Variants in BZW2 observed in about 807,000 individuals in gnomAD.
BZW2 encodes the protein basic leucine zipper and W2 domains 2, also known as eIF5-mimic protein 1.
Under a neutral mutation model 53.2 loss-of-function variants are expected in BZW2, and 23 were observed. That is an observed-to-expected ratio of 0.43 (90% CI 0.31 to 0.61). The LOEUF is 0.61. Among genes scored for constraint, BZW2 ranks in the 20% least tolerant of loss-of-function variants. BZW2 has a pLI of 0.09. For missense variants in BZW2, 409 were observed against 503.1 expected, an observed-to-expected ratio of 0.81 and a Z score of 1.79; for synonymous variants, 227 against 186.4, an observed-to-expected ratio of 1.22 and a Z score of -1.77.
chr7:16,664,451 G>C (rs1369874841), intron 1 of BZW2, among the ~76,000 whole-genome samples: 2 of 152,168 alleles, frequency 1.3e-5, no homozygotes, highest in Non-Finnish European at 2.9e-5. Context: ...GGACAGCTGG[G>C]GACGATCTTT....
At chr7:16,662,237 G>A (rs1200376944) in intron 1 of BZW2, 2 of 152,120 alleles carry the variant, frequency 1.3e-5, no homozygotes, top group African/African-American at 4.8e-5. Context: ...TCTTTATTTA[G>A]TCTGTCACCA....
intron 6 of BZW2, among the ~76,000 whole-genome samples, chr7:16,688,995 G>A (rs1783216278): frequency 6.6e-6 from 1 of 152,174 alleles, no homozygotes; most frequent in Non-Finnish European, 1.5e-5. Context: ...GGAGGCCAAG[G>A]CAGGTGGATC....
intron 6 of BZW2, chr7:16,686,710 T>A (rs1213116714): frequency 6.6e-6 from 1 of 152,296 alleles, no homozygotes; most frequent in Admixed American, 6.5e-5. Flanking sequence ...AGAACATCTG[T>A]TTCTTCTGAG....
chr7:16,649,562 C>T (rs1039890745), intron 1 of BZW2, among the ~76,000 whole-genome samples: 6 of 152,184 alleles, frequency 3.9e-5, no homozygotes, highest in Admixed American at 1.3e-4. Context: ...CAGCTCTCTA[C>T]ATTAGGAGAA....
chr7:16,653,227 C>T (rs568384805), intron 1 of BZW2, among the ~76,000 whole-genome samples: 2 of 152,310 alleles, frequency 1.3e-5, no homozygotes, highest in African/African-American at 4.8e-5. Context: ...TAAGCAATTG[C>T]TCCAAAACAG....
intron 4 of BZW2, among the ~76,000 whole-genome samples, 163 bp downstream of exon 4, chr7:16,681,567 G>C (rs761638656): frequency 6.6e-6 from 1 of 152,096 alleles, no homozygotes; most frequent in Non-Finnish European, 1.5e-5. Flanking sequence ...AGTGTGGCTC[G>C]AGCCTATAAT....
intron 2 of BZW2, among the ~76,000 whole-genome samples, chr7:16,667,232 C>A (rs1289614836): frequency 6.9e-6 from 1 of 145,572 alleles, no homozygotes; most frequent in Non-Finnish European, 1.5e-5. Context: ...AGTGAGCCGA[C>A]ATTGCACCAC....
chr7:16,667,995 A>T (rs1782482224), intron 2 of BZW2, among the ~76,000 whole-genome samples: 1 of 152,260 alleles, frequency 6.6e-6, no homozygotes, highest in East Asian at 1.9e-4. Context: ...ATGATTTTAA[A>T]AGGATTTATC....
intron 2 of BZW2, among the ~76,000 whole-genome samples, chr7:16,669,716 A>G (rs1782541844): frequency 1.3e-5 from 2 of 152,216 alleles, no homozygotes; most frequent in African/African-American, 4.8e-5. Flanking sequence ...TAGGTAATGT[A>G]TACGCATATT....
At chr7:16,672,012 T>C (rs968716316) in intron 2 of BZW2, among the ~76,000 whole-genome samples, 1 of 151,994 alleles carries the variant, frequency 6.6e-6, no homozygotes, top group African/African-American at 2.4e-5. Context: ...AGAAATGTCT[T>C]CTGTGTCTGG....
chr7:16,657,161 A>G (rs1782144770), intron 1 of BZW2, among the ~76,000 whole-genome samples: 1 of 152,198 alleles, frequency 6.6e-6, no homozygotes, highest in African/African-American at 2.4e-5. Flanking sequence ...AAACGTTTTC[A>G]CTTAAGTATA....
chr7:16,646,662 G>T (rs1209241661), intron 1 of BZW2, among the ~76,000 whole-genome samples: 5 of 152,166 alleles, frequency 3.3e-5, no homozygotes, highest in African/African-American at 7.2e-5. Flanking sequence ...GGTAGGGGTC[G>T]CAAGGACAGC....
intron 1 of BZW2, among the ~76,000 whole-genome samples, chr7:16,660,568 A>T (rs574521618): frequency 6.6e-6 from 1 of 152,092 alleles, no homozygotes; most frequent in East Asian, 1.9e-4. Flanking sequence ...AAAAATATTA[A>T]TTAAAAATTT....
At chr7:16,648,930 A>G (rs1415441971) in intron 1 of BZW2, among the ~76,000 whole-genome samples, 1 of 152,210 alleles carries the variant, frequency 6.6e-6, no homozygotes, top group Non-Finnish European at 1.5e-5. Context: ...TAAGGGAAAT[A>G]TACATGCTAG....
rs909636134 is a variant in BZW2, at chr7:16,668,300, A to T, written c.58+2799A>T. 2.0e-5 allele frequency among the ~76,000 whole-genome samples: 3 copies of T among 152,190 alleles called. No individual in the cohort carries two copies. The East Asian group carries it at 5.8e-4, about 29-fold the overall frequency. On this transcript the variant is annotated intron_variant, in intron 2 of 11. Transcript: ENST00000258761. ...CGTTTGTCTTCAGTTAAGAACCAGA[A>T]AGTTTTCTCTCCTTCAGAACCGGTT...
At chr7:16,686,362 C>A (rs1306687228) in intron 6 of BZW2, 6 of 249,100 alleles carry the variant, frequency 2.4e-5, no homozygotes, top group Non-Finnish European at 4.8e-5. Context: ...TGCCCTTCGA[C>A]ACAAAATGGC....
chr7:16,656,820 T>G lies in BZW2; in HGVS notation c.-7-8617T>G, dbSNP rs143205442. Among the ~76,000 whole-genome samples, 609 of 152,346 alleles carry G rather than the reference T, an allele frequency of 4.0e-3. 3 individuals carry two copies. Among genetic ancestry groups the G allele is most frequent in the African/African-American group, 0.014 (568 of 41,586 alleles). ...GCATGGACCTATGGGTTTGTATTTT[T>G]TTGAATGGGTTATTAGCTATTATCC... On this transcript the variant is annotated intron_variant, in intron 1 of 11. Transcript: ENST00000258761.
intron 1 of BZW2, among the ~76,000 whole-genome samples, chr7:16,662,627 C>G (rs1782300066): frequency 6.6e-6 from 1 of 150,472 alleles, no homozygotes. Context: ...AAATTAAAAA[C>G]CATTTTTAGC....
chr7:16,667,971 A>G (rs1489402476), intron 2 of BZW2, among the ~76,000 whole-genome samples: 1 of 152,236 alleles, frequency 6.6e-6, no homozygotes. Context: ...GCAGTCTTGG[A>G]AAAAAGGACA....
Sources: gnomAD v4.1 joint callset for allele counts (sites outside exome capture counted in the v4.1 genomes callset) on GRCh38, gnomAD v4.1.1 for gene constraint, MANE v1.5 for transcripts, NCBI Gene and HGNC (gene_info 2026-07-23, HGNC 2026-07-21) for gene names.